CAMSAP2: variants seen among roughly 807,000 people sequenced by gnomAD.
CAMSAP2 encodes calmodulin-regulated spectrin-associated protein 2.
CAMSAP2 carries 26 observed loss-of-function variants against 146.1 expected under a neutral mutation model. The ratio of observed to expected loss-of-function variants is 0.18; its 90% CI spans 0.13 to 0.25. The LOEUF is 0.25. CAMSAP2 is among the 10% of genes least tolerant of loss of function. CAMSAP2 has a pLI of 1.00. For missense variants in CAMSAP2, 1,381 were observed against 1,759.3 expected, an observed-to-expected ratio of 0.78 and a Z score of 3.85; for synonymous variants, 499 against 596.6, an observed-to-expected ratio of 0.84 and a Z score of 2.38.
At chr1:200,747,760 C>T (rs938015937) in intron 1 of CAMSAP2, among the ~76,000 whole-genome samples, 3 of 152,074 alleles carry the variant, frequency 2.0e-5, no homozygotes, top group Non-Finnish European at 1.5e-5. Flanking sequence ...CCTGTAATCC[C>T]AGCACTCTGG....
At chr1:200,752,290 C>A (rs1664528023) in intron 1 of CAMSAP2, among the ~76,000 whole-genome samples, 1 of 152,058 alleles carries the variant, frequency 6.6e-6, no homozygotes, top group Admixed American at 6.5e-5. Flanking sequence ...TAGATTCCTT[C>A]TGTGATATGT....
chr1:200,810,116 A>G (rs1666290073), intron 3 of CAMSAP2, among the ~76,000 whole-genome samples: 2 of 152,162 alleles, frequency 1.3e-5, no homozygotes, highest in Non-Finnish European at 2.9e-5. Context: ...AGAACCTGGG[A>G]ACGTGTTAAA....
intron 3 of CAMSAP2, among the ~76,000 whole-genome samples, chr1:200,813,235 C>G (rs1666383672): frequency 1.3e-5 from 2 of 152,186 alleles, no homozygotes; most frequent in South Asian, 4.1e-4. Flanking sequence ...CCTTCAACCC[C>G]CTTTATAAAG....
chr1:200,836,431 T>C (rs1171573927), intron 6 of CAMSAP2, among the ~76,000 whole-genome samples: 1 of 152,246 alleles, frequency 6.6e-6, no homozygotes, highest in African/African-American at 2.4e-5. Flanking sequence ...CTTGTTCTTT[T>C]TTATGGCTGC....
At chr1:200,814,522 A>T (rs1249269875) in intron 3 of CAMSAP2, among the ~76,000 whole-genome samples, 1 of 146,226 alleles carries the variant, frequency 6.8e-6, no homozygotes, top group Non-Finnish European at 1.5e-5. Context: ...AGGCAGGAGA[A>T]TTGCTTGAAC....
chr1:200,774,837 C>T (rs1665227702), intron 2 of CAMSAP2, among the ~76,000 whole-genome samples: 1 of 152,180 alleles, frequency 6.6e-6, no homozygotes, highest in African/African-American at 2.4e-5. Context: ...CTGGAGGGAA[C>T]ATCTTCAGGA....
In CAMSAP2 at chr1:200,847,891, G is replaced by A. The variant is rs938378474; in HGVS notation, c.1263-141G>A. The A allele has an allele frequency of 3.3e-5, 26 of 779,746 alleles. No individual in the cohort carries two copies. The African/African-American group carries it at 4.6e-4, about 14-fold the overall frequency. 48.3% of individuals were successfully genotyped at this position (779,746 alleles called of 1,614,324 possible). A position where few individuals can be genotyped will look rare whatever the true frequency, so the allele number is the denominator to read the frequency against. ...GCTAACTTTAAAAAGTAGCTAGATA[G>A]CCCTCCCCTTACCTTGAAGACAGTA... On this transcript the variant is annotated intron_variant, in intron 10 of 16. Coordinates refer to ENST00000358823, the MANE Select transcript of CAMSAP2 (RefSeq NM_203459.4).
chr1:200,853,171 G>T lies in CAMSAP2; in HGVS notation c.3603-104G>T. On this transcript the variant is annotated intron_variant, in intron 12 of 16. Coordinates refer to ENST00000358823, the MANE Select transcript of CAMSAP2 (RefSeq NM_203459.4). This position sits in a 1 kb window ranked among gnomAD's most constrained non-coding sequence, Gnocchi z 5.1. ...TTAAATGAACCATTTATTCACCAAG[G>T]TGATGAAATAGAATTCTCCTTTCTC... is the stretch of plus-strand genomic sequence containing the variant. 2 of 978,870 alleles carry T rather than the reference G, an allele frequency of 2.0e-6. No homozygotes were observed. Among genetic ancestry groups the T allele is most frequent in the Non-Finnish European group, 3.1e-6 (2 of 645,792 alleles). The allele number at this position is 978,870 out of a possible 1,614,324, so 60.6% of individuals were successfully genotyped here.
chr1:200,841,233 T>G (rs1391163655), intron 6 of CAMSAP2, among the ~76,000 whole-genome samples: 2 of 152,196 alleles, frequency 1.3e-5, no homozygotes, highest in Admixed American at 1.3e-4. Context: ...AGTTTAACAT[T>G]ACTGAGCACA....
intron 4 of CAMSAP2, among the ~76,000 whole-genome samples, chr1:200,819,820 T>G (rs1418009448): frequency 2.0e-5 from 3 of 152,198 alleles, no homozygotes; most frequent in African/African-American, 4.8e-5. Context: ...GCTAACTGTA[T>G]GCATGAAATA....
At chr1:200,827,819 T>A (rs1429639010) in intron 4 of CAMSAP2, among the ~76,000 whole-genome samples, 2 of 152,184 alleles carry the variant, frequency 1.3e-5, no homozygotes, top group African/African-American at 4.8e-5. Context: ...GAAGCTGTTT[T>A]AGCAGATACA....
In CAMSAP2 at chr1:200,857,669, C is replaced by T. The variant is rs1485807398; in HGVS notation, c.4132-85C>T. 1.5e-5 allele frequency: 18 copies of T among 1,172,892 alleles called. No homozygotes were observed. The highest frequency in any genetic ancestry group is 1.4e-4 in the African/African-American group (9 of 64,474). The allele number at this position is 1,172,892 out of a possible 1,614,324, so 72.7% of individuals were successfully genotyped here. On this transcript the variant is annotated intron_variant, in intron 16 of 16. Coordinates refer to ENST00000358823, the MANE Select transcript of CAMSAP2 (RefSeq NM_203459.4). This position sits in a 1 kb window ranked among gnomAD's most constrained non-coding sequence, Gnocchi z 4.7. ...AATGTTATAAAATGTGACTAAGAAA[C>T]GTAACATAATTATATAAACTTTATT...
chr1:200,850,479 TCTCA>T (rs1667592349), intron 11 of CAMSAP2, among the ~76,000 whole-genome samples: 1 of 152,194 alleles, frequency 6.6e-6, no homozygotes, highest in African/African-American at 2.4e-5. Context: ...TACTGCTCTT[TCTCA>T]CTCACAAAAG....
chr1:200,817,228 GTA>G (rs763382169), intron 4 of CAMSAP2, among the ~76,000 whole-genome samples: 58 of 85,366 alleles, frequency 6.8e-4, no homozygotes, highest in Admixed American at 4.0e-3. Flanking sequence ...ATATGTGTGT[GTA>G]TATACACACA....
Position 200,852,546 on chromosome 1 carries a change from T to A in CAMSAP2, c.3471T>A (p.Asp1157Glu). ...TCAATGAAATTCGTTCTTAGGATGA[T>A]CAAAAAGCAGAAAATGATATGGCAA... ...KVCCGFFFKDDQKAENDMAMK... is the reference protein window; with the variant it reads ...KVCCGFFFKDEQKAENDMAMK... Residue 1157 changes from aspartate to glutamate, a missense_variant, in exon 12 of 17, where the codon GAT (aspartate) becomes GAA (glutamate). By Grantham distance (45) the Asp-to-Glu change is conservative. Around this residue, in one of 4 missense-constraint regions of CAMSAP2, gnomAD observed 560 missense variants for 715.9 expected, o/e 0.78. Coordinates refer to ENST00000358823, the MANE Select transcript of CAMSAP2 (RefSeq NM_203459.4). The A allele has an allele frequency of 6.2e-7, 1 of 1,611,152 alleles. No individual in the cohort carries two copies. Among genetic ancestry groups the A allele is most frequent in the Admixed American group, 1.7e-5 (1 of 59,226 alleles).
At chr1:200,774,731 G>A (rs147752150) in intron 2 of CAMSAP2, among the ~76,000 whole-genome samples, 11 of 152,286 alleles carry the variant, frequency 7.2e-5, no homozygotes, top group African/African-American at 2.4e-4. Flanking sequence ...TCGCATTGCC[G>A]ACAGAGGGAA....
chr1:200,817,250 ATG>A (rs1558192364), intron 4 of CAMSAP2, among the ~76,000 whole-genome samples: 1 of 10,586 alleles, frequency 9.4e-5, no homozygotes. Context: ...ATACACACAT[ATG>A]TGTGTGTATA....
At position 200,849,738 on chromosome 1, in the gene CAMSAP2, G is replaced by A. The variant is rs777933401; in HGVS notation, c.2969G>A (p.Arg990Gln). ...PNELKITPLN[R>Q]TLTPPRSVDS... is the part of the protein sequence containing the mutation. ...GAGTTAAAAATAACACCTTTGAATC[G>A]AACCTTGACACCTCCTCGGTCTGTG... The change falls in exon 11 of 17, where the codon CGA (arginine) becomes CAA (glutamine). Residue 990 changes from arginine to glutamine, a missense_variant. By Grantham distance (43) the Arg-to-Gln change is conservative. Transcript: ENST00000358823. This position sits in a 1 kb window ranked among gnomAD's most constrained non-coding sequence, Gnocchi z 6.3. The A allele has an allele frequency of 1.9e-6, 3 of 1,614,090 alleles. No homozygotes were observed. Among genetic ancestry groups the A allele is most frequent in the Non-Finnish European group, 1.7e-6 (2 of 1,180,002 alleles).
intron 4 of CAMSAP2, among the ~76,000 whole-genome samples, chr1:200,826,483 G>T (rs1320136615): frequency 6.6e-6 from 1 of 151,074 alleles, no homozygotes; most frequent in Non-Finnish European, 1.5e-5. Flanking sequence ...GCAGTAACAA[G>T]TCACAGCCAT....
Sources: gnomAD v4.1 joint callset for allele counts (sites outside exome capture counted in the v4.1 genomes callset) on GRCh38, gnomAD v4.1.1 for gene constraint, gnomAD v4.1.1 regional missense constraint, Gnocchi (gnomAD v3.1) non-coding constraint, MANE v1.5 for transcripts, NCBI Gene and HGNC (gene_info 2026-07-23, HGNC 2026-07-21) for gene names.